Variants in EYS observed in about 807,000 individuals in gnomAD.
EYS encodes protein eyes shut homolog.
A neutral mutation model predicts 282.1 loss-of-function variants in EYS; 250 were observed. The observed-to-expected ratio is 0.89, with a 90% CI of 0.80 to 0.98. EYS has a LOEUF of 0.98. Among genes scored for constraint, EYS ranks in the 50% least tolerant of loss-of-function variants. The pLI, the probability that EYS is intolerant of heterozygous loss-of-function variation, is 0.00. For missense variants in EYS, 4,016 were observed against 3,709.0 expected (o/e 1.08, Z -2.15); for synonymous variants, 1,355 against 1,282.9 (o/e 1.06, Z -1.20).
chr6:65,562,273 A>G (rs957214915), intron 2 of EYS, among the ~76,000 whole-genome samples: 1 of 152,076 alleles, frequency 6.6e-6, no homozygotes, highest in African/African-American at 2.4e-5. Flanking sequence ...GAAAACATCA[A>G]ATTCGAATGA....
intron 22 of EYS, among the ~76,000 whole-genome samples, chr6:64,646,894 G>A (rs1768374617): frequency 6.6e-6 from 1 of 152,014 alleles, no homozygotes; most frequent in South Asian, 2.1e-4. Flanking sequence ...ATGGGATGAG[G>A]TCTTGGAGTG....
intron 14 of EYS, among the ~76,000 whole-genome samples, chr6:64,959,460 A>G (rs1216353660): frequency 6.6e-6 from 1 of 152,166 alleles, no homozygotes; most frequent in Non-Finnish European, 1.5e-5. Context: ...CTATCCACAG[A>G]TACCATAAAT....
At chr6:64,774,667 A>C (rs1037728611) in intron 22 of EYS, among the ~76,000 whole-genome samples, 1 of 151,952 alleles carries the variant, frequency 6.6e-6, no homozygotes, top group Non-Finnish European at 1.5e-5. Context: ...TCCTGATAAC[A>C]TGTGCCTGCT....
At chr6:65,062,504 A>T (rs2150160333) in intron 12 of EYS, among the ~76,000 whole-genome samples, 1 of 151,988 alleles carries the variant, frequency 6.6e-6, no homozygotes, top group South Asian at 2.1e-4. Context: ...ATCCAGAGTA[A>T]TTTTTTTAAG....
chr6:64,029,004 AT>A (rs1475498164), intron 33 of EYS, among the ~76,000 whole-genome samples: 2 of 152,264 alleles, frequency 1.3e-5, no homozygotes, highest in East Asian at 3.9e-4. Flanking sequence ...GTTCCTTGGA[AT>A]TACTGGCTTT....
chr6:64,486,542 A>G (rs1201136626), intron 26 of EYS, among the ~76,000 whole-genome samples: 2 of 151,462 alleles, frequency 1.3e-5, no homozygotes, highest in Non-Finnish European at 3.0e-5. Flanking sequence ...CACGGGCACA[A>G]TTATTACAGT....
At chr6:65,151,201 C>T (rs1764603674) in intron 12 of EYS, among the ~76,000 whole-genome samples, 1 of 152,096 alleles carries the variant, frequency 6.6e-6, no homozygotes, top group Non-Finnish European at 1.5e-5. Flanking sequence ...CACATGCAGA[C>T]ATTCTGAAAA....
Position 65,335,081 on chromosome 6 carries a change from A to G in EYS, c.1665T>C (p.Phe555=), listed in dbSNP as rs376078491. 9 of 1,612,196 alleles carry G rather than the reference A, an allele frequency of 5.6e-6. No individual in the cohort carries two copies. Among genetic ancestry groups the G allele is most frequent in the Non-Finnish European group, 6.8e-6 (8 of 1,178,940 alleles). The change falls in exon 11 of 43, where the codon TTT becomes TTC. Residue 555 remains phenylalanine, a synonymous_variant. Coordinates refer to ENST00000503581, the MANE Select transcript of EYS (RefSeq NM_001142800.2). ...EDSQEYRYLC[F]LRWAGNMYLE... is the part of the protein sequence containing the mutation. ...GATACATGTTGCCAGCCCATCTGAG[A>G]AAACATAGATACCGATATTCCTGAC... is the stretch of plus-strand genomic sequence containing the variant.
intron 35 of EYS, among the ~76,000 whole-genome samples, chr6:63,957,063 T>C (rs567651423): frequency 1.6e-4 from 24 of 152,336 alleles, no homozygotes; most frequent in African/African-American, 5.8e-4. Context: ...ACTATATTGA[T>C]GATCAATTAA....
In EYS at chr6:65,610,441, T is replaced by G. The variant is rs140345215; in HGVS notation, c.-333+29337A>C. 9.5e-4 allele frequency among the ~76,000 whole-genome samples: 144 copies of G among 152,196 alleles called. 5 individuals are homozygous for G. The East Asian group carries it at 0.025, about 26-fold the overall frequency. On this transcript the variant is annotated intron_variant, in intron 2 of 42. Coordinates refer to ENST00000503581, the MANE Select transcript of EYS (RefSeq NM_001142800.2). ...ACGCAGATAAATTTTGTTCCATCATTTAGATACATTTTTATGTTTATATTT... is the reference window on the plus strand; with the variant it reads ...ACGCAGATAAATTTTGTTCCATCATGTAGATACATTTTTATGTTTATATTT...
intron 22 of EYS, among the ~76,000 whole-genome samples, chr6:64,780,816 G>A (rs1170469552): frequency 6.6e-6 from 1 of 152,038 alleles, no homozygotes; most frequent in Non-Finnish European, 1.5e-5. Context: ...TTATTCTATA[G>A]AGGAATTCAC....
In EYS at chr6:65,225,701, C is replaced by CA. The variant is rs370804613; in HGVS notation, c.2023+70161dup. On this transcript the variant is annotated intron_variant, in intron 12 of 42. Transcript: ENST00000503581. ...TGCACTCCAGCCTGGGTAACTAGAG[C>CA]AAAAAACTCCATCAAAAAAGAAAAA... 1.7e-3 allele frequency among the ~76,000 whole-genome samples: 208 copies of CA among 120,494 alleles called. 1 individual carries two copies. The highest frequency in any genetic ancestry group is 6.0e-3 in the African/African-American group (189 of 31,306). 79.0% of individuals were successfully genotyped at this position (120,494 alleles called of 152,430 possible).
chr6:63,824,507 C>T (rs908766292), intron 36 of EYS, among the ~76,000 whole-genome samples: 1 of 152,124 alleles, frequency 6.6e-6, no homozygotes, highest in Non-Finnish European at 1.5e-5. Context: ...CCCAGAGGAC[C>T]CACAGACCCT....
At chr6:64,264,316 T>C (rs1010183589) in intron 30 of EYS, among the ~76,000 whole-genome samples, 1 of 152,160 alleles carries the variant, frequency 6.6e-6, no homozygotes, top group East Asian at 1.9e-4. Flanking sequence ...TCTTCTTTGT[T>C]CACCTAGGCT....
At chr6:63,946,921 A>G (rs1410796496) in intron 35 of EYS, among the ~76,000 whole-genome samples, 2 of 151,994 alleles carry the variant, frequency 1.3e-5, no homozygotes, top group African/African-American at 4.8e-5. Context: ...GATGGTATGT[A>G]TGTATCAAAA....
At chr6:64,189,765 A>AT (rs1270484901) in intron 31 of EYS, among the ~76,000 whole-genome samples, 1 of 152,118 alleles carries the variant, frequency 6.6e-6, no homozygotes, top group African/African-American at 2.4e-5. Flanking sequence ...GACTTACCCT[A>AT]TGGATTTTAG....
chr6:64,577,097 G>A lies in EYS; in HGVS notation c.5644+13126C>T, dbSNP rs1316944514. Among the ~76,000 whole-genome samples, 3 of 152,036 alleles carry A rather than the reference G, an allele frequency of 2.0e-5. No homozygotes were observed. In the South Asian group the frequency reaches 6.2e-4, roughly 31 times the overall value. On this transcript the variant is annotated intron_variant, in intron 26 of 42. Transcript: ENST00000503581. The stretch of plus-strand genomic sequence containing the variant: ...ACCACCACCAAGGAAGCTAGGAGGG[G>A]GCATGGAGGGATTCTCCCCTGTAGG...
intron 31 of EYS, among the ~76,000 whole-genome samples, chr6:64,190,726 C>A (rs1027068772): frequency 6.6e-6 from 1 of 152,070 alleles, no homozygotes; most frequent in East Asian, 1.9e-4. Flanking sequence ...CTGTGGAGGG[C>A]GCCTGAGGAT....
At chr6:64,362,017 T>G (rs919592300) in intron 29 of EYS, among the ~76,000 whole-genome samples, 1 of 151,840 alleles carries the variant, frequency 6.6e-6, no homozygotes, top group Admixed American at 6.6e-5. Context: ...TTTTTAATTT[T>G]GTTTATATGG....
Sources: gnomAD v4.1 joint callset for allele counts (sites outside exome capture counted in the v4.1 genomes callset) on GRCh38, gnomAD v4.1.1 for gene constraint, MANE v1.5 for transcripts, NCBI Gene and HGNC (gene_info 2026-07-23, HGNC 2026-07-21) for gene names.